Variants in AFG2A observed in about 807,000 individuals in gnomAD.
AFG2A encodes the protein AAA ATPase AFG2A.
chr4:123,079,654 C>A, the AFG2A span, among the ~76,000 whole-genome samples: 4 of 151,360 alleles, frequency 2.6e-5, no homozygotes, highest in Admixed American at 2.6e-4. Flanking sequence ...TATAACCTTC[C>A]TATTGATAAA....
At chr4:123,131,148 C>T in the AFG2A span, among the ~76,000 whole-genome samples, 6 of 152,156 alleles carry the variant, frequency 3.9e-5, no homozygotes, top group Admixed American at 1.3e-4. Context: ...AATCCTTTAT[C>T]GAGCATATTA....
At chr4:123,031,624 G>C in the AFG2A span, among the ~76,000 whole-genome samples, 1 of 152,132 alleles carries the variant, frequency 6.6e-6, no homozygotes, top group Non-Finnish European at 1.5e-5. Flanking sequence ...AGAAAAAGTA[G>C]ACATACACTA....
chr4:123,003,751 C>T, the AFG2A span, among the ~76,000 whole-genome samples: 2 of 152,228 alleles, frequency 1.3e-5, no homozygotes, highest in African/African-American at 4.8e-5. Context: ...GCTCGGTGGT[C>T]AGGGGTCAGG....
At chr4:123,217,797 T>A in the AFG2A span, among the ~76,000 whole-genome samples, 17 of 152,334 alleles carry the variant, frequency 1.1e-4, no homozygotes, top group Middle Eastern at 6.8e-3. Flanking sequence ...TTTACAGGTT[T>A]GTTTGTTTTT....
At chr4:123,020,694 T>C in the AFG2A span, among the ~76,000 whole-genome samples, 1 of 152,206 alleles carries the variant, frequency 6.6e-6, no homozygotes, top group Non-Finnish European at 1.5e-5. Context: ...AAATATCTTC[T>C]AAAATTTATT....
At chr4:122,983,157 G>A in the AFG2A span, among the ~76,000 whole-genome samples, 1 of 151,900 alleles carries the variant, frequency 6.6e-6, no homozygotes, top group Non-Finnish European at 1.5e-5. Flanking sequence ...TGAGCACCGC[G>A]CCCAGCCTAC....
At chr4:123,255,723 T>C in the AFG2A span, among the ~76,000 whole-genome samples, 6 of 143,764 alleles carry the variant, frequency 4.2e-5, no homozygotes, top group South Asian at 2.3e-4. Context: ...TTCTATTTTT[T>C]TTTTTTTTTT....
At chr4:122,939,729 C>A in the AFG2A span, among the ~76,000 whole-genome samples, 8 of 152,028 alleles carry the variant, frequency 5.3e-5, no homozygotes, top group African/African-American at 1.9e-4. Context: ...GTGCTGCACC[C>A]ATTAACTCGT....
At chr4:123,267,508 C>T in the AFG2A span, among the ~76,000 whole-genome samples, 1 of 152,018 alleles carries the variant, frequency 6.6e-6, no homozygotes, top group Admixed American at 6.6e-5. Flanking sequence ...TTTCCCTTTT[C>T]CTTCAAAATG....
At chr4:123,121,740 A>T in the AFG2A span, among the ~76,000 whole-genome samples, 2 of 152,176 alleles carry the variant, frequency 1.3e-5, no homozygotes, top group Non-Finnish European at 2.9e-5. Context: ...TCACTTAAGG[A>T]TGCACTTCTC....
chr4:123,098,164 TAGA>T, the AFG2A span, among the ~76,000 whole-genome samples: 1 of 152,060 alleles, frequency 6.6e-6, no homozygotes, highest in Non-Finnish European at 1.5e-5. Context: ...TGTAAGTTTT[TAGA>T]AGATTAGTAG....
chr4:123,036,763 A>G, the AFG2A span, among the ~76,000 whole-genome samples: 1 of 152,032 alleles, frequency 6.6e-6, no homozygotes, highest in African/African-American at 2.4e-5. Flanking sequence ...GAAGGATTGT[A>G]TTATACTTTA....
chr4:123,003,924 A>T, the AFG2A span, among the ~76,000 whole-genome samples: 1 of 152,246 alleles, frequency 6.6e-6, no homozygotes. Flanking sequence ...GAGCCTACAG[A>T]GGCAGGCAGG....
the AFG2A span, among the ~76,000 whole-genome samples, chr4:123,225,823 T>C: frequency 2.0e-4 from 31 of 152,248 alleles, no homozygotes; most frequent in African/African-American, 6.5e-4. Context: ...TTTCACGATA[T>C]TGATTCTTCC....
chr4:123,088,781 A>C, the AFG2A span, among the ~76,000 whole-genome samples: 7 of 152,010 alleles, frequency 4.6e-5, no homozygotes, highest in South Asian at 2.1e-4. Context: ...TTCAGCCATA[A>C]TTGTTAGTTT....
chr4:122,936,193 C>T, the AFG2A span: 1 of 1,541,806 alleles, frequency 6.5e-7, no homozygotes, highest in Non-Finnish European at 8.8e-7. Context: ...AATTAATAAT[C>T]AAGGCTGTAT....
At chr4:122,992,978 G>GTGTGTGTGTGTGTGTGTGTGTGTGTA in the AFG2A span, among the ~76,000 whole-genome samples, 1,054 of 134,828 alleles carry the variant, frequency 7.8e-3, 3 homozygotes, top group South Asian at 0.015. Flanking sequence ...GTGTGTGTAT[G>GTGTGTGTGTGTGTGTGTGTGTGTGTA]TGTGTGTGTG....
At chr4:123,025,020 G>A in the AFG2A span, among the ~76,000 whole-genome samples, 8 of 152,176 alleles carry the variant, frequency 5.3e-5, no homozygotes, top group East Asian at 1.5e-3. Flanking sequence ...GAGGACAAGG[G>A]CATCCTGTTT....
the AFG2A span, among the ~76,000 whole-genome samples, chr4:123,296,731 G>A: frequency 1.3e-5 from 2 of 152,196 alleles, 1 homozygote; most frequent in South Asian, 4.1e-4. Flanking sequence ...CTGTACTGTT[G>A]TATGTGTTTG....
Sources: gnomAD v4.1 joint callset for allele counts (sites outside exome capture counted in the v4.1 genomes callset) on GRCh38, gnomAD v4.1.1 for gene constraint, MANE v1.5 for transcripts, NCBI Gene and HGNC (gene_info 2026-07-23, HGNC 2026-07-21) for gene names.